ERBB4: variants seen among roughly 807,000 people sequenced by gnomAD.
ERBB4 encodes the protein erb-b2 receptor tyrosine kinase 4.
In ERBB4, 42 loss-of-function variants were observed where a neutral mutation model predicts 158.0. The ratio of observed to expected loss-of-function variants is 0.27; its 90% CI spans 0.21 to 0.34. The LOEUF is 0.34. ERBB4 is among the 10% of genes least tolerant of loss of function. ERBB4 has a pLI of 1.00. For synonymous variants in ERBB4, 583 were observed against 558.7 expected, an observed-to-expected ratio of 1.04 and a Z score of -0.61; for missense variants, 1,333 against 1,624.1, an observed-to-expected ratio of 0.82 and a Z score of 3.08.
intron 2 of ERBB4, among the ~76,000 whole-genome samples, chr2:212,101,329 C>A: frequency 9.5e-6 from 1 of 104,946 alleles, no homozygotes. Context: ...GATCAAAATA[C>A]AAACACACAC....
chr2:211,533,292 G>A (rs1236034478), intron 20 of ERBB4, among the ~76,000 whole-genome samples: 1 of 151,834 alleles, frequency 6.6e-6, no homozygotes, highest in Non-Finnish European at 1.5e-5. Context: ...ATACAGTCTT[G>A]TGACCATGTC....
chr2:212,040,360 A>T (rs2077111565), intron 2 of ERBB4, among the ~76,000 whole-genome samples: 1 of 151,864 alleles, frequency 6.6e-6, no homozygotes, highest in South Asian at 2.1e-4. Flanking sequence ...AAACACTTAT[A>T]TATTTTTCCT....
chr2:211,887,253 T>TAC (rs112197898), intron 3 of ERBB4, among the ~76,000 whole-genome samples: 8,892 of 145,324 alleles, frequency 0.061, 413 homozygotes, highest in African/African-American at 0.13. Flanking sequence ...AACAGAGGAT[T>TAC]ACACACACAC....
intron 1 of ERBB4, among the ~76,000 whole-genome samples, chr2:212,374,462 G>C (rs942346438): frequency 9.9e-5 from 15 of 151,964 alleles, no homozygotes; most frequent in Admixed American, 7.9e-4. Flanking sequence ...CTGTGACCAA[G>C]TGTGAACTTG....
intron 1 of ERBB4, among the ~76,000 whole-genome samples, chr2:212,443,012 A>C (rs2092284784): frequency 6.6e-6 from 1 of 152,224 alleles, no homozygotes; most frequent in Non-Finnish European, 1.5e-5. Context: ...CAGCTCTTGT[A>C]CCAGATGTGG....
chr2:211,416,538 C>G (rs1438456582), intron 25 of ERBB4, among the ~76,000 whole-genome samples: 2 of 152,138 alleles, frequency 1.3e-5, no homozygotes, highest in Non-Finnish European at 2.9e-5. Context: ...ATAAACAGCC[C>G]AGCAAACCAG....
intron 20 of ERBB4, among the ~76,000 whole-genome samples, chr2:211,530,459 A>C (rs2066464369): frequency 6.6e-6 from 1 of 152,178 alleles, no homozygotes; most frequent in African/African-American, 2.4e-5. Flanking sequence ...ATCCTTATCA[A>C]AATACCAACG....
At chr2:212,293,378 T>C (rs1574617380) in intron 1 of ERBB4, among the ~76,000 whole-genome samples, 2 of 151,924 alleles carry the variant, frequency 1.3e-5, no homozygotes, top group Admixed American at 6.6e-5. Context: ...AAAAATCTGA[T>C]CTCATAATTT....
chr2:212,081,781 A>C (rs1213725789), intron 2 of ERBB4, among the ~76,000 whole-genome samples: 1 of 152,094 alleles, frequency 6.6e-6, no homozygotes, highest in African/African-American at 2.4e-5. Flanking sequence ...ACAACATTAC[A>C]TTTCCAGGGA....
chr2:211,387,338 A>G (rs2062707849), intron 26 of ERBB4, among the ~76,000 whole-genome samples, 188 bp from the exon 27 acceptor site: 1 of 152,204 alleles, frequency 6.6e-6, no homozygotes, highest in African/African-American at 2.4e-5. Flanking sequence ...CTTTTCTTAA[A>G]AGATAAATCA....
At chr2:211,387,796 T>A (rs987448966) in intron 26 of ERBB4, 149 bp downstream of exon 26, 2 of 719,198 alleles carry the variant, frequency 2.8e-6, no homozygotes, top group African/African-American at 3.5e-5. Flanking sequence ...TAAAAACACA[T>A]CTACAAAGGC....
chr2:212,381,656 A>G (rs141604720), intron 1 of ERBB4, among the ~76,000 whole-genome samples: 50 of 151,374 alleles, frequency 3.3e-4, no homozygotes, highest in African/African-American at 9.6e-4. Context: ...TCATGACGGA[A>G]TCATATTATG....
intron 1 of ERBB4, among the ~76,000 whole-genome samples, chr2:212,416,078 G>C (rs546547075): frequency 6.6e-6 from 1 of 152,086 alleles, no homozygotes; most frequent in South Asian, 2.1e-4. Flanking sequence ...CCATGAATGG[G>C]ACCATCAACA....
At chr2:212,508,873 ATTTC>A (rs1299026100) in intron 1 of ERBB4, among the ~76,000 whole-genome samples, 8 of 152,000 alleles carry the variant, frequency 5.3e-5, no homozygotes, top group African/African-American at 1.7e-4. Flanking sequence ...GCATCTCCAA[ATTTC>A]TTTGTCATTG....
chr2:211,942,534 T>C (rs1211263832), intron 3 of ERBB4, among the ~76,000 whole-genome samples: 1 of 151,992 alleles, frequency 6.6e-6, no homozygotes, highest in East Asian at 1.9e-4. Context: ...CTATTTTTCA[T>C]CTACCAGAAT....
At position 212,390,656 on chromosome 2, in the gene ERBB4, T is replaced by C. The variant is rs547977709; in HGVS notation, c.82+147793A>G. 4.6e-5 allele frequency among the ~76,000 whole-genome samples: 7 copies of C among 151,948 alleles called. No individual in the cohort carries two copies. In the South Asian group the frequency reaches 1.2e-3, roughly 27 times the overall value. ...AGAAGATTATAATATCTAATACATA[T>C]GCATTTTTCTTCAAATGGATTTATG... On this transcript the variant is annotated intron_variant, in intron 1 of 27. Coordinates refer to ENST00000342788, the MANE Select transcript of ERBB4 (RefSeq NM_005235.3).
chr2:212,017,682 G>A lies in ERBB4; in HGVS notation c.235-70066C>T, dbSNP rs548968218. ...ACATCAGCCAAGACTCTTAATACCTGGAAGTGACTATTGTATATTAAATAA... is the reference window on the plus strand; with the variant it reads ...ACATCAGCCAAGACTCTTAATACCTAGAAGTGACTATTGTATATTAAATAA... On this transcript the variant is annotated intron_variant, in intron 2 of 27. Transcript: ENST00000342788. Among the ~76,000 whole-genome samples, 7 of 152,168 alleles carry A rather than the reference G, an allele frequency of 4.6e-5. No homozygotes were observed. The East Asian group carries it at 5.8e-4, about 13-fold the overall frequency.
intron 20 of ERBB4, among the ~76,000 whole-genome samples, chr2:211,457,804 A>G (rs1029118543): frequency 2.6e-5 from 4 of 152,340 alleles, no homozygotes; most frequent in African/African-American, 9.6e-5. Context: ...TTTTTATCCT[A>G]ACTTTCTTCT....
intron 4 of ERBB4, among the ~76,000 whole-genome samples, chr2:211,763,897 T>TACACACACACACAC (rs58206154): frequency 0.25 from 37,190 of 149,914 alleles, 5,024 homozygotes; most frequent in South Asian, 0.43. Flanking sequence ...TGCGTGTGTA[T>TACACACACACACAC]ACACACACAC....
Sources: allele counts gnomAD v4.1 joint callset (sites outside exome capture counted in the v4.1 genomes callset), GRCh38; gene constraint gnomAD v4.1.1; transcripts MANE v1.5; gene names NCBI Gene and HGNC (gene_info 2026-07-23, HGNC 2026-07-21).